The following BNC2 variants were observed in gnomAD, a reference collection of about 807,000 sequenced individuals.
The protein encoded by BNC2 is basonuclin zinc finger protein 2.
A neutral mutation model predicts 76.3 loss-of-function variants in BNC2; 20 were observed. The ratio of observed to expected loss-of-function variants is 0.26; its 90% CI spans 0.18 to 0.38. The LOEUF (loss-of-function observed/expected upper bound fraction) is 0.38, where lower values mean the gene tolerates loss of function less well. BNC2 is among the 10% of genes least tolerant of loss of function. The pLI is 1.00. For missense variants in BNC2, 1,382 were observed against 1,399.8 expected (o/e 0.99, Z 0.20); for synonymous variants, 582 against 514.8 (o/e 1.13, Z -1.77).
At chr9:16,805,871 T>C (rs1333263989) in intron 1 of BNC2, among the ~76,000 whole-genome samples, 1 of 152,192 alleles carries the variant, frequency 6.6e-6, no homozygotes, top group African/African-American at 2.4e-5. Context: ...CATTAAATAC[T>C]GATACATTAA....
chr9:16,749,567 G>A (rs1208774756), intron 1 of BNC2, among the ~76,000 whole-genome samples: 1 of 152,118 alleles, frequency 6.6e-6, no homozygotes, highest in Non-Finnish European at 1.5e-5. Context: ...AGGTGTGGTG[G>A]CACATGCCTG....
At chr9:16,464,641 T>A (rs1041166674) in intron 5 of BNC2, among the ~76,000 whole-genome samples, 1 of 152,108 alleles carries the variant, frequency 6.6e-6, no homozygotes, top group Non-Finnish European at 1.5e-5. Flanking sequence ...AGTCTTTAAT[T>A]TTTGTCTCGG....
chr9:16,436,011 G>C lies in BNC2; in HGVS notation c.2183C>G (p.Ser728Cys). ...PERDYENESE[S>C]SEPKLGEESM... The stretch of plus-strand genomic sequence containing the variant: ...TTCCTCGCCCAGTTTGGGCTCCGAA[G>C]ACTCAGACTCGTTCTCATAGTCCCG... Residue 728 changes from serine to cysteine, a missense_variant, in exon 6 of 7, where the codon TCT becomes TGT. Physicochemically the swap from Ser to Cys is moderately radical, Grantham distance 112 (BLOSUM62 -1). Transcript: ENST00000380672. 1 of 1,614,168 alleles carries C rather than the reference G, an allele frequency of 6.2e-7. No homozygotes were observed. Among genetic ancestry groups the C allele is most frequent in the Non-Finnish European group, 8.5e-7 (1 of 1,180,032 alleles).
At chr9:16,843,651 C>T (rs1818890233) in intron 1 of BNC2, among the ~76,000 whole-genome samples, 1 of 152,204 alleles carries the variant, frequency 6.6e-6, no homozygotes, top group South Asian at 2.1e-4. Flanking sequence ...TCTTAAGCTC[C>T]TTTTTTATAA....
At chr9:16,792,172 T>C (rs113050629) in intron 1 of BNC2, among the ~76,000 whole-genome samples, 10 of 152,002 alleles carry the variant, frequency 6.6e-5, no homozygotes, top group South Asian at 6.2e-4. Context: ...CCAGGAACTA[T>C]TTTAAGAACA....
At chr9:16,470,339 A>C (rs532630992) in intron 5 of BNC2, among the ~76,000 whole-genome samples, 1 of 152,168 alleles carries the variant, frequency 6.6e-6, no homozygotes. Context: ...AAAGTTTAAA[A>C]AATTTGCAGG....
chr9:16,856,887 T>G (rs1303041568), intron 1 of BNC2, among the ~76,000 whole-genome samples: 1 of 152,104 alleles, frequency 6.6e-6, no homozygotes, highest in Non-Finnish European at 1.5e-5. Flanking sequence ...TACAGGGAGA[T>G]TAGATACCAC....
At chr9:16,652,392 T>A (rs1821817418) in intron 3 of BNC2, among the ~76,000 whole-genome samples, 1 of 152,148 alleles carries the variant, frequency 6.6e-6, no homozygotes, top group South Asian at 2.1e-4. Flanking sequence ...GCCAAACCAG[T>A]CACTTAAACA....
At chr9:16,659,810 T>C (rs1356849463) in intron 3 of BNC2, among the ~76,000 whole-genome samples, 1 of 152,140 alleles carries the variant, frequency 6.6e-6, no homozygotes, top group African/African-American at 2.4e-5. Context: ...CTAGCCTCAC[T>C]TCCCATCCCC....
intron 5 of BNC2, among the ~76,000 whole-genome samples, chr9:16,469,326 T>C (rs1821768068): frequency 6.6e-6 from 1 of 152,150 alleles, no homozygotes; most frequent in Non-Finnish European, 1.5e-5. Context: ...AACTGAATCA[T>C]GGGGGCTGGT....
intron 1 of BNC2, among the ~76,000 whole-genome samples, chr9:16,782,662 T>C (rs538832810): frequency 6.6e-6 from 1 of 152,246 alleles, no homozygotes; most frequent in East Asian, 1.9e-4. Flanking sequence ...CACTCACATA[T>C]GTGCCGATGG....
chr9:16,678,416 C>T (rs187956917), intron 3 of BNC2, among the ~76,000 whole-genome samples: 1 of 151,002 alleles, frequency 6.6e-6, no homozygotes, highest in Non-Finnish European at 1.5e-5. Flanking sequence ...TACAGGCACA[C>T]GCCACCATGC....
intron 5 of BNC2, among the ~76,000 whole-genome samples, chr9:16,528,803 T>C (rs1330856956): frequency 6.7e-6 from 1 of 149,596 alleles, no homozygotes; most frequent in African/African-American, 2.4e-5. Context: ...TATATGGAGG[T>C]TCAAAAAATG....
At chr9:16,687,472 C>T (rs994166966) in intron 3 of BNC2, among the ~76,000 whole-genome samples, 2 of 152,110 alleles carry the variant, frequency 1.3e-5, no homozygotes, top group African/African-American at 4.8e-5. Context: ...AGAAATAATG[C>T]TCATTCTACC....
intron 5 of BNC2, among the ~76,000 whole-genome samples, chr9:16,453,512 A>G (rs1366699551): frequency 1.3e-5 from 2 of 152,172 alleles, no homozygotes; most frequent in African/African-American, 4.8e-5. Context: ...AATGGCTCAC[A>G]TTACATCCTA....
intron 1 of BNC2, among the ~76,000 whole-genome samples, chr9:16,833,008 GC>G (rs545012998): frequency 1.3e-5 from 2 of 151,806 alleles, no homozygotes; most frequent in Admixed American, 1.3e-4. Context: ...ACAGGTGTAA[GC>G]CCCCCCGCCC....
chr9:16,718,453 T>C (rs1440632374), intron 3 of BNC2, among the ~76,000 whole-genome samples: 1 of 152,234 alleles, frequency 6.6e-6, no homozygotes, highest in Non-Finnish European at 1.5e-5. Context: ...GTCCCATGAT[T>C]ACTTTCCAAA....
chr9:16,726,452 TGTA>T (rs1327124763), intron 3 of BNC2, among the ~76,000 whole-genome samples: 2 of 151,836 alleles, frequency 1.3e-5, no homozygotes, highest in African/African-American at 2.4e-5. Flanking sequence ...TTTCTAAACT[TGTA>T]GTAGTTTATA....
At chr9:16,563,553 G>A (rs1012631661) in intron 4 of BNC2, among the ~76,000 whole-genome samples, 8 of 152,120 alleles carry the variant, frequency 5.3e-5, no homozygotes, top group Non-Finnish European at 1.0e-4. Context: ...TGAGTAATAC[G>A]TAGGATGGTT....
Sources: allele counts gnomAD v4.1 joint callset (sites outside exome capture counted in the v4.1 genomes callset), GRCh38; gene constraint gnomAD v4.1.1; transcripts MANE v1.5; gene names NCBI Gene and HGNC (gene_info 2026-07-23, HGNC 2026-07-21).